DNAH14: variants seen among roughly 807,000 people sequenced by gnomAD.
The protein encoded by DNAH14 is axonemal beta dynein heavy chain 14.
A neutral mutation model predicts 520.9 loss-of-function variants in DNAH14; 478 were observed. The ratio of observed to expected loss-of-function variants is 0.92; its 90% CI spans 0.85 to 0.99. DNAH14 has a LOEUF of 0.99. DNAH14 is among the 50% of genes least tolerant of loss of function. The pLI is 0.00. For missense variants in DNAH14, 4,831 were observed against 5,234.5 expected, an observed-to-expected ratio of 0.92 and a Z score of 2.38; for synonymous variants, 1,581 against 1,757.2, an observed-to-expected ratio of 0.90 and a Z score of 2.51.
intron 40 of DNAH14, among the ~76,000 whole-genome samples, chr1:225,206,638 TA>T (rs1377160515): frequency 4.6e-5 from 7 of 152,228 alleles, no homozygotes; most frequent in South Asian, 4.1e-4. Context: ...CCCTATGCTC[TA>T]ATCTACTTAA....
chr1:225,085,718 T>C lies in DNAH14; in HGVS notation c.3502T>C (p.Ser1168Pro), dbSNP rs766787292. ...CATAATTCCATCTATAGATGACATA[T>C]CAGCTCAGTTAGAAGAGTCTCAAGT... ...IFIIPSIDDISAQLEESQVIL... is the reference protein window; with the variant it reads ...IFIIPSIDDIPAQLEESQVIL... Residue 1168 changes from serine to proline, a missense_variant, in exon 21 of 86, where the codon TCA becomes CCA. Transcript: ENST00000682510. 13 of 1,551,352 alleles carry C rather than the reference T, an allele frequency of 8.4e-6. No individual in the cohort carries two copies. Among genetic ancestry groups the C allele is most frequent in the Non-Finnish European group, 1.1e-5 (13 of 1,146,796 alleles).
At chr1:225,138,637 G>A (rs190801653) in intron 27 of DNAH14, among the ~76,000 whole-genome samples, 2 of 152,312 alleles carry the variant, frequency 1.3e-5, no homozygotes, top group East Asian at 3.9e-4. Context: ...GGTGGCATGG[G>A]CTTACAAGGG....
chr1:225,297,472 T>C (rs1259266205), intron 55 of DNAH14, among the ~76,000 whole-genome samples: 1 of 152,206 alleles, frequency 6.6e-6, no homozygotes, highest in Non-Finnish European at 1.5e-5. Context: ...TTTCTATGCA[T>C]CTGGAAAAGC....
intron 25 of DNAH14, among the ~76,000 whole-genome samples, chr1:225,118,885 T>G (rs2077072523): frequency 1.1e-5 from 1 of 88,960 alleles, no homozygotes; most frequent in Admixed American, 1.2e-4. Flanking sequence ...TCTCTCTGTC[T>G]CAAAAAAAAA....
chr1:225,222,700 A>G (rs914237660), intron 41 of DNAH14, among the ~76,000 whole-genome samples: 3 of 152,118 alleles, frequency 2.0e-5, no homozygotes, highest in African/African-American at 7.2e-5. Flanking sequence ...TAGCCACAGA[A>G]AAGTTCTTCA....
chr1:225,275,526 G>A (rs1269531427), intron 52 of DNAH14, among the ~76,000 whole-genome samples: 1 of 152,200 alleles, frequency 6.6e-6, no homozygotes, highest in Non-Finnish European at 1.5e-5. Flanking sequence ...GAAACTTGCA[G>A]AACTGTAGTG....
intron 73 of DNAH14, chr1:225,357,838 A>G (rs752986229): frequency 2.8e-6 from 2 of 702,080 alleles, no homozygotes; most frequent in South Asian, 1.5e-5. Flanking sequence ...TGTTCAGGAC[A>G]TATTTTATGG....
chr1:225,328,970 A>G (rs1484395911), intron 64 of DNAH14, among the ~76,000 whole-genome samples: 1 of 152,190 alleles, frequency 6.6e-6, no homozygotes, highest in Admixed American at 6.5e-5. Flanking sequence ...TAAATTAGGT[A>G]TATATTTTCA....
chr1:225,290,595 A>ATG (rs148361934), intron 55 of DNAH14, among the ~76,000 whole-genome samples: 134 of 138,832 alleles, frequency 9.7e-4, no homozygotes, highest in Middle Eastern at 3.6e-3. Context: ...TCATATATAT[A>ATG]TGTGTGTGTG....
chr1:225,206,451 A>C (rs566200906), intron 40 of DNAH14, among the ~76,000 whole-genome samples: 101 of 152,238 alleles, frequency 6.6e-4, no homozygotes, highest in Admixed American at 1.1e-3. Context: ...TAGACTGCTG[A>C]TGTGAATTAT....
chr1:225,180,274 C>G (rs1164453630), intron 36 of DNAH14, among the ~76,000 whole-genome samples: 1 of 152,156 alleles, frequency 6.6e-6, no homozygotes, highest in African/African-American at 2.4e-5. Flanking sequence ...GTTCCACAGA[C>G]GTCATGAGCA....
rs2082197400 is a variant in DNAH14 at position 225,167,974 on chromosome 1, A to G, written c.5481A>G (p.Leu1827=). The change falls in exon 36 of 86, where the codon TTA becomes TTG. Residue 1827 remains leucine, a synonymous_variant. Transcript: ENST00000682510. ...VIYTATQQLG[L]QNWSSQKEKI... ...ATACTGCAACTCAGCAATTGGGTTT[A>G]CAAAACTGGTCATCTCAGAAAGAGA... 6.5e-7 allele frequency: 1 copy of G among 1,538,582 alleles called. No individual in the cohort carries two copies. Among genetic ancestry groups the G allele is most frequent in the African/African-American group, 1.4e-5 (1 of 72,500 alleles).
intron 30 of DNAH14, among the ~76,000 whole-genome samples, chr1:225,146,393 C>G (rs912069261): frequency 6.6e-6 from 1 of 152,190 alleles, no homozygotes; most frequent in South Asian, 2.1e-4. Flanking sequence ...TCAGGCACCC[C>G]TCAACTTGCA....
intron 11 of DNAH14, among the ~76,000 whole-genome samples, chr1:225,029,520 A>C (rs1216241572): frequency 6.6e-6 from 1 of 152,050 alleles, no homozygotes; most frequent in Non-Finnish European, 1.5e-5. Context: ...CTGGACATAC[A>C]ATGCTGAGCA....
At chr1:225,227,397 C>T (rs1385991422) in intron 41 of DNAH14, among the ~76,000 whole-genome samples, 1 of 152,192 alleles carries the variant, frequency 6.6e-6, no homozygotes, top group East Asian at 1.9e-4. Context: ...ACATCCTGCA[C>T]AGCCCTAAAT....
chr1:225,371,050 T>G (rs1268930813), intron 77 of DNAH14, among the ~76,000 whole-genome samples: 1 of 152,144 alleles, frequency 6.6e-6, no homozygotes, highest in African/African-American at 2.4e-5. Flanking sequence ...CTCTGAACGT[T>G]AAGAAACAGA....
chr1:225,210,356 T>C (rs923751176), intron 41 of DNAH14, among the ~76,000 whole-genome samples: 5 of 152,092 alleles, frequency 3.3e-5, no homozygotes, highest in Admixed American at 6.6e-5. Flanking sequence ...GAGGCTTGAA[T>C]AGGCAGTTTT....
chr1:225,097,237 A>C lies in DNAH14; in HGVS notation c.3693A>C (p.Arg1231=). 1 of 1,549,548 alleles carries C rather than the reference A, an allele frequency of 6.5e-7. No homozygotes were observed. The change falls in exon 22 of 86, where the codon CGA becomes CGC. Residue 1231 remains arginine, a splice_region_variant and synonymous_variant. Coordinates refer to ENST00000682510, the MANE Select transcript of DNAH14 (RefSeq NM_001367479.1). ...LEPVFHSSEI[R]RQLPAETELF... ...CAGTCTTTCATTCTTCAGAAATACG[A>C]AGGTAAAATACCTAAAATATACCAT...
chr1:224,955,199 CAT>C (rs201863929), intron 3 of DNAH14, 101 bp downstream of exon 3: 18,041 of 1,268,420 alleles, frequency 0.014, 163 homozygotes, highest in Non-Finnish European at 0.016. Context: ...ACAAGTGAAA[CAT>C]ATTGAAATAT....
Sources: allele counts gnomAD v4.1 joint callset (sites outside exome capture counted in the v4.1 genomes callset), GRCh38; gene constraint gnomAD v4.1.1; transcripts MANE v1.5; gene names NCBI Gene and HGNC (gene_info 2026-07-23, HGNC 2026-07-21).